The following FLT1 variants were observed in gnomAD, a reference collection of about 807,000 sequenced individuals.
FLT1 encodes the protein vascular endothelial growth factor receptor 1.
Under a neutral mutation model 156.3 loss-of-function variants are expected in FLT1, and 49 were observed. That is an observed-to-expected ratio of 0.31 (90% CI 0.25 to 0.40). FLT1 has a LOEUF of 0.40. Ranked by LOEUF, FLT1 falls within the 10% of genes least tolerant of loss-of-function variation. FLT1 has a pLI of 1.00. For synonymous variants in FLT1, 594 were observed against 583.8 expected (o/e 1.02, Z -0.25); for missense variants, 1,322 against 1,637.2 (o/e 0.81, Z 3.32).
intron 11 of FLT1, among the ~76,000 whole-genome samples, chr13:28,404,512 A>G (rs577184045): frequency 1.3e-5 from 2 of 152,326 alleles, no homozygotes; most frequent in Admixed American, 1.3e-4. Flanking sequence ...AAAATTATAG[A>G]TGTTATTTGT....
At chr13:28,415,132 C>T (rs944528398) in intron 10 of FLT1, among the ~76,000 whole-genome samples, 1 of 152,188 alleles carries the variant, frequency 6.6e-6, no homozygotes, top group South Asian at 2.1e-4. Context: ...CTGGCAATGG[C>T]CTCCTCTTCT....
chr13:28,490,604 G>A (rs1881417328), intron 1 of FLT1, among the ~76,000 whole-genome samples: 1 of 152,122 alleles, frequency 6.6e-6, no homozygotes, highest in Non-Finnish European at 1.5e-5. Flanking sequence ...AGTGATCCTG[G>A]AAAGCATCTG....
chr13:28,386,903 C>A, intron 13 of FLT1: 1 of 1,046,504 alleles, frequency 9.6e-7, no homozygotes, highest in Non-Finnish European at 1.2e-6. Flanking sequence ...CACACTATTT[C>A]CCATGCATTA....
chr13:28,347,087 C>T (rs1249983959), intron 15 of FLT1, among the ~76,000 whole-genome samples: 1 of 152,096 alleles, frequency 6.6e-6, no homozygotes, highest in Non-Finnish European at 1.5e-5. Flanking sequence ...AAAGATTCGG[C>T]TGCTGAGGGA....
In FLT1 at chr13:28,390,066, G is replaced by T; in HGVS notation, c.1699C>A (p.Pro567Thr). ...NGFHVNLEKMPTEGEDLKLSC... is the reference protein window; with the variant it reads ...NGFHVNLEKMTTEGEDLKLSC... ...AGTTTCAGGTCCTCTCCTTCCGTCGGCATTTTTTCCAAGTTAACATGAAAC... is the reference window on the plus strand; with the variant it reads ...AGTTTCAGGTCCTCTCCTTCCGTCGTCATTTTTTCCAAGTTAACATGAAAC... The change falls in exon 13 of 30, where the codon CCG (proline) becomes ACG (threonine). Residue 567 changes from proline (P) to threonine (T), a missense_variant. By Grantham distance (38) the Pro-to-Thr change is conservative. Transcript: ENST00000282397. 1.2e-6 allele frequency: 2 copies of T among 1,614,070 alleles called. No homozygotes were observed. Among genetic ancestry groups the T allele is most frequent in the Non-Finnish European group, 1.7e-6 (2 of 1,179,968 alleles).
chr13:28,418,522 G>A (rs561738796), intron 10 of FLT1, among the ~76,000 whole-genome samples: 1 of 152,220 alleles, frequency 6.6e-6, no homozygotes, highest in South Asian at 2.1e-4. Context: ...AGTCCTATGG[G>A]ACACCAGGGA....
chr13:28,387,385 A>G, intron 13 of FLT1: 1 of 1,053,224 alleles, frequency 9.5e-7, no homozygotes, highest in African/African-American at 1.7e-5. Flanking sequence ...GACATTTTGA[A>G]TAAGGGAGGT....
chr13:28,413,212 T>G (rs1876423470), intron 10 of FLT1, among the ~76,000 whole-genome samples: 1 of 152,088 alleles, frequency 6.6e-6, no homozygotes, highest in South Asian at 2.1e-4. Context: ...AGATAAGAGC[T>G]TTTCCGTGAG....
intron 14 of FLT1, among the ~76,000 whole-genome samples, chr13:28,384,259 C>A (rs1874217078): frequency 6.6e-6 from 1 of 152,088 alleles, no homozygotes; most frequent in South Asian, 2.1e-4. Context: ...CATGGTGAAA[C>A]CTTGTCTCTA....
intron 3 of FLT1, among the ~76,000 whole-genome samples, chr13:28,446,716 A>C (rs1310516219): frequency 6.6e-6 from 1 of 152,212 alleles, no homozygotes; most frequent in Admixed American, 6.5e-5. Flanking sequence ...TTAAGATGTT[A>C]ATGTCCCCCA....
intron 3 of FLT1, among the ~76,000 whole-genome samples, chr13:28,457,855 T>C (rs1322508214): frequency 6.6e-6 from 1 of 152,006 alleles, no homozygotes; most frequent in Non-Finnish European, 1.5e-5. Flanking sequence ...AGGGGAAAAA[T>C]GAGAGAATAT....
intron 17 of FLT1, among the ~76,000 whole-genome samples, chr13:28,335,680 G>T (rs1310973157): frequency 6.6e-6 from 1 of 152,222 alleles, no homozygotes. Flanking sequence ...TCTGCATTCA[G>T]AGAGAACACT....
chr13:28,450,601 G>A (rs1442479130), intron 3 of FLT1, among the ~76,000 whole-genome samples: 1 of 152,022 alleles, frequency 6.6e-6, no homozygotes, highest in Non-Finnish European at 1.5e-5. Context: ...GAAAAAGCAA[G>A]GAACTCTAAT....
intron 16 of FLT1, among the ~76,000 whole-genome samples, chr13:28,343,600 C>T (rs544498210): frequency 4.0e-5 from 6 of 151,790 alleles, no homozygotes; most frequent in Admixed American, 3.3e-4. Context: ...TGGGCCACCA[C>T]GCGCGGCCTG....
chr13:28,474,509 C>T (rs1015781225), intron 1 of FLT1, among the ~76,000 whole-genome samples: 1 of 151,822 alleles, frequency 6.6e-6, no homozygotes, highest in Non-Finnish European at 1.5e-5. Context: ...CACACACACA[C>T]ACACACACAC....
intron 14 of FLT1, among the ~76,000 whole-genome samples, chr13:28,372,128 C>A (rs1873631546): frequency 7.9e-6 from 1 of 126,818 alleles, no homozygotes; most frequent in East Asian, 2.4e-4. Flanking sequence ...CTTTCCCAAG[C>A]TGAACTGCAG....
chr13:28,481,442 TACACACACACACACACAC>T (rs397687323), intron 1 of FLT1, among the ~76,000 whole-genome samples: 2 of 142,568 alleles, frequency 1.4e-5, no homozygotes, highest in Admixed American at 7.0e-5. Context: ...CCTCCGCTTA[TACACACACACACACACAC>T]ACACACACAC....
At chr13:28,325,503 T>A (rs1347836167) in intron 20 of FLT1, among the ~76,000 whole-genome samples, 3 of 152,044 alleles carry the variant, frequency 2.0e-5, no homozygotes, top group Non-Finnish European at 4.4e-5. Context: ...ATCACAAAGA[T>A]CCCTTTCAGT....
At chr13:28,438,413 G>GCTACAGTGT in intron 3 of FLT1, 68 bp from the exon 4 acceptor site, 1 of 1,254,890 alleles carries the variant, frequency 8.0e-7, no homozygotes, top group Non-Finnish European at 1.2e-6. Flanking sequence ...AGACACTGTA[G>GCTACAGTGT]CTAGTGTGGT....
Sources: gnomAD v4.1 joint callset for allele counts (sites outside exome capture counted in the v4.1 genomes callset) on GRCh38, gnomAD v4.1.1 for gene constraint, MANE v1.5 for transcripts, NCBI Gene and HGNC (gene_info 2026-07-23, HGNC 2026-07-21) for gene names.